The following TRIM64B variants were observed in gnomAD, a reference collection of about 807,000 sequenced individuals.
TRIM64B encodes the protein tripartite motif-containing protein 64B.
For synonymous variants in TRIM64B, 17 were observed against 190.3 expected, an observed-to-expected ratio of 0.09 and a Z score of 7.50; for missense variants, 57 against 536.4, an observed-to-expected ratio of 0.11 and a Z score of 8.83.
upstream of TRIM64B, among the ~76,000 whole-genome samples, chr11:89,878,050 C>T (rs1362371970): frequency 1.4e-5 from 2 of 147,264 alleles, no homozygotes; most frequent in African/African-American, 2.5e-5. Context: ...CTTTGGCTTA[C>T]GTTATAACCA....
chr11:89,876,051 A>G (rs1404379096), upstream of TRIM64B: 1 of 1,425,130 alleles, frequency 7.0e-7, no homozygotes, highest in East Asian at 2.7e-5. Flanking sequence ...AAAAGTGAGA[A>G]TTTCTTTCTC....
upstream of TRIM64B, among the ~76,000 whole-genome samples, chr11:89,877,588 T>G (rs1490993672): frequency 6.7e-6 from 1 of 148,688 alleles, no homozygotes; most frequent in East Asian, 2.0e-4. Context: ...TGATCTATTT[T>G]CTTTCTTTCT....
At chr11:89,871,399 T>C (rs1477426781) in intron 5 of TRIM64B, among the ~76,000 whole-genome samples, 2 of 152,356 alleles carry the variant, frequency 1.3e-5, no homozygotes, top group South Asian at 2.1e-4. Flanking sequence ...ATGCAAAATG[T>C]TTTTTTTTCT....
chr11:89,877,471 A>G (rs1158016242), upstream of TRIM64B, among the ~76,000 whole-genome samples: 4 of 145,562 alleles, frequency 2.7e-5, no homozygotes, highest in East Asian at 8.1e-4. Flanking sequence ...TCTACACTAG[A>G]AAATCCAGAA....
At chr11:89,872,916 CTCTG>C (rs1199178809) in intron 4 of TRIM64B, among the ~76,000 whole-genome samples, 2 of 148,008 alleles carry the variant, frequency 1.4e-5, no homozygotes, top group Admixed American at 1.3e-4. Context: ...TCTCTCCTCC[CTCTG>C]TCTTTTTTTT....
At position 89,875,493 on chromosome 11, in the gene TRIM64B, A is replaced by T. The variant is rs1950153842; in HGVS notation, c.408+117T>A. 2.1e-6 allele frequency: 3 copies of T among 1,406,690 alleles called. No homozygotes were observed. In the African/African-American group the frequency reaches 4.3e-5, roughly 20 times the overall value. The allele number at this position is 1,406,690 out of a possible 1,614,324, so 87.1% of individuals were successfully genotyped here. ...AGGACACATTCATGTGTTATGATTG[A>T]CATGGAATAATCACCACCTCCACCA... On this transcript the variant is annotated intron_variant, in intron 1 of 5. Coordinates refer to ENST00000329862, the Ensembl canonical transcript of TRIM64B.
At chr11:89,876,654 G>A (rs1438430633), upstream of TRIM64B, among the ~76,000 whole-genome samples, 6 of 149,090 alleles carry the variant, frequency 4.0e-5, no homozygotes, top group Non-Finnish European at 6.0e-5. Context: ...CCCAGGAGGC[G>A]GAGGTTGCAG....
upstream of TRIM64B, among the ~76,000 whole-genome samples, chr11:89,876,519 G>A (rs1256811946): frequency 1.4e-4 from 21 of 149,506 alleles, no homozygotes; most frequent in Admixed American, 1.3e-3. Flanking sequence ...TCAGGAGATC[G>A]AGACCATCCT....
upstream of TRIM64B, among the ~76,000 whole-genome samples, chr11:89,876,370 A>C (rs1391829294): frequency 6.8e-6 from 1 of 147,834 alleles, no homozygotes; most frequent in African/African-American, 2.4e-5. Context: ...AATACAATGT[A>C]AATGCTGTAT....
At chr11:89,876,602 G>A (rs1408247717), upstream of TRIM64B, among the ~76,000 whole-genome samples, 1 of 149,362 alleles carries the variant, frequency 6.7e-6, no homozygotes, top group East Asian at 2.0e-4. Context: ...CGTGCCTGTA[G>A]TCCCAGCTAT....
At chr11:89,876,351 T>C (rs1950163465), upstream of TRIM64B, among the ~76,000 whole-genome samples, 1 of 146,628 alleles carries the variant, frequency 6.8e-6, no homozygotes, top group Admixed American at 6.9e-5. Context: ...TAGATTACTT[T>C]GAATGCCTAA....
At chr11:89,876,452 G>C (rs1417395777), upstream of TRIM64B, among the ~76,000 whole-genome samples, 59 of 149,556 alleles carry the variant, frequency 3.9e-4, no homozygotes, top group African/African-American at 1.2e-3. Context: ...GGCAGGGCGC[G>C]GTACTCATGC....
intron 4 of TRIM64B, among the ~76,000 whole-genome samples, chr11:89,872,757 T>C (rs1181047698): frequency 2.0e-5 from 3 of 151,776 alleles, no homozygotes; most frequent in Non-Finnish European, 4.4e-5. Context: ...GGAGTCTAAT[T>C]CCAGCCTGAG....
At chr11:89,871,357 T>C (rs1360022329) in intron 5 of TRIM64B, among the ~76,000 whole-genome samples, 3 of 152,232 alleles carry the variant, frequency 2.0e-5, no homozygotes, top group African/African-American at 7.2e-5. Flanking sequence ...AATGATTTAA[T>C]GTCTACATCT....
At chr11:89,876,813 A>G (rs1191718949), upstream of TRIM64B, among the ~76,000 whole-genome samples, 4 of 149,436 alleles carry the variant, frequency 2.7e-5, no homozygotes, top group Non-Finnish European at 3.0e-5. Flanking sequence ...ATCCACGGGT[A>G]TGAAACTTAC....
At chr11:89,876,350 T>C (rs1363980863), upstream of TRIM64B, among the ~76,000 whole-genome samples, 1 of 146,386 alleles carries the variant, frequency 6.8e-6, no homozygotes, top group African/African-American at 2.5e-5. Flanking sequence ...CTAGATTACT[T>C]TGAATGCCTA....
upstream of TRIM64B, among the ~76,000 whole-genome samples, chr11:89,877,446 T>C (rs1315973015): frequency 7.1e-6 from 1 of 141,528 alleles, no homozygotes; most frequent in Non-Finnish European, 1.6e-5. Context: ...TGAAGATATG[T>C]ATTAGGTTTT....
upstream of TRIM64B, among the ~76,000 whole-genome samples, chr11:89,877,634 T>C: frequency 6.7e-6 from 1 of 149,118 alleles, no homozygotes; most frequent in South Asian, 2.1e-4. Context: ...TTGTTGCTGT[T>C]GTTGAGATGC....
chr11:89,871,421 C>T (rs1290500839), intron 5 of TRIM64B, among the ~76,000 whole-genome samples: 1 of 152,214 alleles, frequency 6.6e-6, no homozygotes, highest in East Asian at 1.9e-4. Context: ...CAATAGAAAA[C>T]TCTCCTTGTA....
Sources: gnomAD v4.1 joint callset for allele counts (sites outside exome capture counted in the v4.1 genomes callset) on GRCh38, gnomAD v4.1.1 for gene constraint, MANE v1.5 for transcripts, NCBI Gene and HGNC (gene_info 2026-07-23, HGNC 2026-07-21) for gene names.